MXRA5: variants seen among roughly 807,000 people sequenced by gnomAD.
The protein encoded by MXRA5 is matrix remodeling associated 5.
A neutral mutation model predicts 112.5 loss-of-function variants in MXRA5; 41 were observed. The ratio of observed to expected loss-of-function variants is 0.36; its 90% CI spans 0.28 to 0.47. MXRA5 has a LOEUF of 0.47. Ranked by LOEUF, MXRA5 falls within the 20% of genes least tolerant of loss-of-function variation. MXRA5 has a pLI of 0.99. For synonymous variants in MXRA5, 862 were observed against 900.8 expected (o/e 0.96, Z 0.77); for missense variants, 2,150 against 2,251.0 (o/e 0.96, Z 0.91).
chrX:3,328,388 C>G (rs989273602), intron 4 of MXRA5, among the ~76,000 whole-genome samples: 4 of 112,062 alleles, frequency 3.6e-5, no homozygotes, highest in African/African-American at 1.3e-4. Flanking sequence ...ATGGGACCAC[C>G]ATGCTAGAGG....
Position 3,310,832 on chromosome X carries a change from G to A in MXRA5, c.7371C>T (p.Ala2457=), listed in dbSNP as rs144072507. 77 of 1,206,984 alleles carry A rather than the reference G, an allele frequency of 6.4e-5. No individual in the cohort carries two copies. The highest frequency in any genetic ancestry group is 3.5e-5 in the South Asian group (2 of 56,411). The change falls in exon 7 of 7, where the codon GCC becomes GCT. Residue 2457 remains alanine (A), a synonymous_variant. Coordinates refer to ENST00000217939, the MANE Select transcript of MXRA5 (RefSeq NM_015419.4). ...NPITTVREIA[A]GGSRKLIDCK... The stretch of plus-strand genomic sequence containing the variant: ...AGTCAATCAGTTTCCGACTGCCCCC[G>A]GCTGCTATCTCCCGCACAGTGGTGA...
chrX:3,309,836 A>C lies in MXRA5; in HGVS notation c.8367T>G (p.Leu2789=). The C allele has an allele frequency of 8.3e-7, 1 of 1,211,555 alleles. No individual in the cohort carries two copies. Among genetic ancestry groups the C allele is most frequent in the Non-Finnish European group, 1.1e-6 (1 of 895,478 alleles). ...GGATGGTCAGTGATCCCTGGGGGTGAAGAAATCTGTTTCCATACAGACGAG... is the reference window on the plus strand; with the variant it reads ...GGATGGTCAGTGATCCCTGGGGGTGCAGAAATCTGTTTCCATACAGACGAG... ...VQARLYGNRF[L]HPQGSLTIQH... is the part of the protein sequence containing the mutation. The change falls in exon 7 of 7, where the codon CTT becomes CTG. Residue 2789 remains leucine (L), a synonymous_variant. Coordinates refer to ENST00000217939, the MANE Select transcript of MXRA5 (RefSeq NM_015419.4).
intron 4 of MXRA5, among the ~76,000 whole-genome samples, chrX:3,325,847 AATAATTTATAATTATAATTTATAATAT>A (rs1555945441): frequency 3.4e-5 from 2 of 58,938 alleles, no homozygotes; most frequent in Admixed American, 2.7e-4. Flanking sequence ...TTTATTCATA[AATAATTTATAATTATAATTTATAATAT>A]ATAATTTATA....
chrX:3,320,819 A>G lies in MXRA5; in HGVS notation c.4866T>C (p.Pro1622=). 8.3e-7 allele frequency: 1 copy of G among 1,211,991 alleles called. No homozygotes were observed. ...TGGAAGCGCTTTGTGTGGACATTTCAGGCAGCCTCACTGTTGCTGTTGGTA... is the reference window on the plus strand; with the variant it reads ...TGGAAGCGCTTTGTGTGGACATTTCGGGCAGCCTCACTGTTGCTGTTGGTA... The part of the protein sequence containing the change: ...PILPTATVRL[P]EMSTQSASRY... Residue 1622 remains proline, a synonymous_variant, in exon 5 of 7, where the codon CCT becomes CCC. Coordinates refer to ENST00000217939, the MANE Select transcript of MXRA5 (RefSeq NM_015419.4).
intron 1 of MXRA5, among the ~76,000 whole-genome samples, chrX:3,346,116 A>T (rs1922103262): frequency 9.0e-6 from 1 of 111,723 alleles, no homozygotes; most frequent in Non-Finnish European, 1.9e-5. Flanking sequence ...TCCCCCACCG[A>T]TTGCAAGAGC....
At chrX:3,329,963 C>A in intron 4 of MXRA5, 55 bp downstream of exon 4, 1 of 1,141,889 alleles carries the variant, frequency 8.8e-7, no homozygotes, top group Non-Finnish European at 1.2e-6. Flanking sequence ...TGGAACGTCT[C>A]CAAAAAGATA....
intron 1 of MXRA5, among the ~76,000 whole-genome samples, chrX:3,345,560 A>G (rs1045339660): frequency 8.9e-6 from 1 of 112,076 alleles, no homozygotes; most frequent in Non-Finnish European, 1.9e-5. Flanking sequence ...CCCGGCACCA[A>G]CCTCCCGGGA....
Position 3,309,408 on chromosome X carries a change from T to C in MXRA5, c.*308A>G, listed in dbSNP as rs1230198881. 2.0e-5 allele frequency: 6 copies of C among 300,717 alleles called. No individual in the cohort carries two copies. The highest frequency in any genetic ancestry group is 3.5e-5 in the Non-Finnish European group (6 of 173,390). The allele number at this position is 300,717 out of a possible 1,213,427, so 24.8% of individuals were successfully genotyped here. ...TCCTCAGATATCCTATGGACGCTTA[T>C]GAAGGCAGTCGAGTGGCATTTGCAA... On this transcript the variant is annotated 3_prime_UTR_variant, in exon 7 of 7. Transcript: ENST00000217939.
Position 3,323,231 on chromosome X carries a change from T to G in MXRA5, c.2454A>C (p.Thr818=). The change falls in exon 5 of 7, where the codon ACA becomes ACC. Residue 818 remains threonine, a synonymous_variant. Coordinates refer to ENST00000217939, the MANE Select transcript of MXRA5 (RefSeq NM_015419.4). ...GGGGAGAAATAGCAGGAAAAGGTGG[T>G]GTGACTTCTAGACTCAAGGATGGAG... is the stretch of plus-strand genomic sequence containing the variant. ...TSPPSLSLEV[T]PPFPAISPPS... is the part of the protein sequence containing the mutation. 8.3e-7 allele frequency: 1 copy of G among 1,211,533 alleles called. No individual in the cohort carries two copies. The highest frequency in any genetic ancestry group is 1.1e-6 in the Non-Finnish European group (1 of 895,358).
intron 1 of MXRA5, among the ~76,000 whole-genome samples, chrX:3,345,081 C>G (rs1295120637): frequency 8.9e-6 from 1 of 111,795 alleles, no homozygotes; most frequent in East Asian, 2.8e-4. Flanking sequence ...TCCGGTGAAC[C>G]GAGATCGAGC....
In MXRA5 at chrX:3,310,760, G is replaced by T; in HGVS notation, c.7443C>A (p.Pro2481=). The T allele has an allele frequency of 1.7e-6, 2 of 1,204,434 alleles. No individual in the cohort carries two copies. The highest frequency in any genetic ancestry group is 2.2e-6 in the Non-Finnish European group (2 of 892,223). ...IPTPRVLWAF[P]EGVVLPAPYY... ...ATGGAGCTGGCAGAACCACACCCTC[G>T]GGAAAAGCCCATAACACCCTCGGGG... The change falls in exon 7 of 7, where the codon CCC becomes CCA. Residue 2481 remains proline (P), a synonymous_variant. Coordinates refer to ENST00000217939, the MANE Select transcript of MXRA5 (RefSeq NM_015419.4).
chrX:3,344,641 T>C (rs1188343724), intron 1 of MXRA5, among the ~76,000 whole-genome samples: 1 of 112,046 alleles, frequency 8.9e-6, no homozygotes, highest in African/African-American at 3.2e-5. Flanking sequence ...TCATTTAGAA[T>C]GGCGGTGATC....
chrX:3,316,315 AAAATAAATAAAT>A (rs751358454), intron 6 of MXRA5, among the ~76,000 whole-genome samples: 2,478 of 84,863 alleles, frequency 0.029, 157 homozygotes, highest in African/African-American at 0.11. Context: ...TTCCGTCTCA[AAAATAAATAAAT>A]AAATAAATAA....
chrX:3,316,108 A>C (rs1603467856), intron 6 of MXRA5, among the ~76,000 whole-genome samples: 1 of 62,106 alleles, frequency 1.6e-5, no homozygotes, highest in East Asian at 4.6e-4. Context: ...AGGTCAGGAG[A>C]TCGAGACCAT....
rs775723235 is a variant in MXRA5, at chrX:3,322,858, C to T, written c.2827G>A (p.Gly943Ser). ...GATCCAACATCTGCTGCAGACCAAC[C>T]CTCTGTTGCCGTCTCTTCATGGGTG... ...KPTHEETATE[G>S]WSAADVGSSP... The change falls in exon 5 of 7, where the codon GGT becomes AGT. Residue 943 changes from glycine to serine, a missense_variant. This residue lies in a region of MXRA5 where 1,485 missense variants were observed against 1,471.6 expected (regional missense o/e 1.01). Transcript: ENST00000217939. 4.1e-6 allele frequency: 5 copies of T among 1,209,433 alleles called. No individual in the cohort carries two copies. In the African/African-American group the frequency reaches 7.0e-5, roughly 17 times the overall value.
intron 2 of MXRA5, among the ~76,000 whole-genome samples, chrX:3,340,237 G>A (rs1295470621): frequency 8.9e-6 from 1 of 111,935 alleles, no homozygotes; most frequent in Non-Finnish European, 1.9e-5. Context: ...ATTAGCACTT[G>A]GCCAACAATT....
intron 4 of MXRA5, among the ~76,000 whole-genome samples, chrX:3,327,136 GA>G (rs1412408569): frequency 9.0e-6 from 1 of 111,332 alleles, no homozygotes; most frequent in Non-Finnish European, 1.9e-5. Flanking sequence ...TTCCCATTGG[GA>G]AGAAGCCAGT....
chrX:3,317,879 G>A lies in MXRA5; in HGVS notation c.5802C>T (p.His1934=), dbSNP rs757827523. 5 of 1,211,644 alleles carry A rather than the reference G, an allele frequency of 4.1e-6. No individual in the cohort carries two copies. In the East Asian group the frequency reaches 8.9e-5, roughly 21 times the overall value. The change falls in exon 6 of 7, where the codon CAC becomes CAT. Residue 1934 remains histidine, a synonymous_variant. Transcript: ENST00000217939. ...GCAAGACCACCATCCTGTCCAGGCC[G>A]TGCAGGTTGCTGGCGGTGCACATAT... is the stretch of plus-strand genomic sequence containing the variant. ...GQYMCTASNL[H]GLDRMVVLLS...
Position 3,317,497 on chromosome X carries a change from C to T in MXRA5, c.6184G>A (p.Gly2062Arg), listed in dbSNP as rs1247186709. The change falls in exon 6 of 7, where the codon GGG becomes AGG. Residue 2062 changes from glycine to arginine, a missense_variant. Physicochemically the swap from Gly to Arg is moderately radical, Grantham distance 125. Around this residue, in one of 6 missense-constraint regions of MXRA5, gnomAD observed 1,485 missense variants for 1,471.6 expected, o/e 1.01. Coordinates refer to ENST00000217939, the MANE Select transcript of MXRA5 (RefSeq NM_015419.4). The stretch of plus-strand genomic sequence containing the variant: ...GTGCAGTGAATGTGAATGCTGAGCC[C>T]CGGGGGCAGCGAGATGTTCTCCAGC... Reference protein sequence around the residue: ...EKLENISLPPGLSIHIHCTAK... With the variant: ...EKLENISLPPRLSIHIHCTAK... The T allele has an allele frequency of 8.4e-7, 1 of 1,196,383 alleles. No homozygotes were observed.
Sources: gnomAD v4.1 joint callset for allele counts (sites outside exome capture counted in the v4.1 genomes callset) on GRCh38, gnomAD v4.1.1 for gene constraint, gnomAD v4.1.1 regional missense constraint, MANE v1.5 for transcripts, NCBI Gene and HGNC (gene_info 2026-07-23, HGNC 2026-07-21) for gene names.